Variants in PAM observed in about 807,000 individuals in gnomAD.
PAM encodes peptidyl-glycine alpha-amidating monooxygenase.
PAM carries 72 observed loss-of-function variants against 122.1 expected under a neutral mutation model. The observed-to-expected ratio is 0.59, with a 90% CI of 0.49 to 0.72. PAM has a LOEUF of 0.72. PAM is among the 30% of genes least tolerant of loss of function. PAM has a pLI of 0.00. For synonymous variants in PAM, 389 were observed against 404.4 expected (o/e 0.96, Z 0.46); for missense variants, 1,106 against 1,183.7 (o/e 0.93, Z 0.96).
intron 3 of PAM, among the ~76,000 whole-genome samples, chr5:102,872,593 T>A (rs1277517212): frequency 6.6e-6 from 1 of 152,234 alleles, no homozygotes; most frequent in African/African-American, 2.4e-5. Flanking sequence ...CTTTTCTTTC[T>A]GCACTCCTGT....
intron 1 of PAM, among the ~76,000 whole-genome samples, chr5:102,811,075 G>A (rs1213740410): frequency 6.6e-6 from 1 of 152,160 alleles, no homozygotes; most frequent in Non-Finnish European, 1.5e-5. Flanking sequence ...CTCTCTAGTT[G>A]GAGTTGAGCA....
At chr5:102,826,298 C>T (rs990057189) in intron 1 of PAM, among the ~76,000 whole-genome samples, 16 of 152,222 alleles carry the variant, frequency 1.1e-4, no homozygotes, top group African/African-American at 3.9e-4. Flanking sequence ...GACATTTTCT[C>T]CCTAAACAGA....
At chr5:102,965,184 C>CACACAT (rs1763706592) in intron 14 of PAM, among the ~76,000 whole-genome samples, 1 of 151,492 alleles carries the variant, frequency 6.6e-6, no homozygotes. Flanking sequence ...CACACACACA[C>CACACAT]ACACACACAC....
intron 16 of PAM, among the ~76,000 whole-genome samples, chr5:102,999,434 C>G (rs1220883402): frequency 6.6e-6 from 1 of 152,216 alleles, no homozygotes; most frequent in East Asian, 1.9e-4. Context: ...ATGGTGCAAG[C>G]CGTGGGTGGA....
At chr5:102,777,541 A>C (rs1255447968) in intron 1 of PAM, among the ~76,000 whole-genome samples, 2 of 152,144 alleles carry the variant, frequency 1.3e-5, no homozygotes, top group Non-Finnish European at 1.5e-5. Context: ...TCTGGAAAAA[A>C]AAGACCTAAT....
chr5:102,852,692 A>C (rs1489521169), intron 1 of PAM, among the ~76,000 whole-genome samples: 1 of 152,192 alleles, frequency 6.6e-6, no homozygotes, highest in Non-Finnish European at 1.5e-5. Context: ...AATAAAATTT[A>C]TGCATATATG....
At chr5:102,841,002 T>C (rs765676897) in intron 1 of PAM, among the ~76,000 whole-genome samples, 8 of 151,130 alleles carry the variant, frequency 5.3e-5, no homozygotes, top group Non-Finnish European at 5.9e-5. Flanking sequence ...ATTTAATTGT[T>C]GGAAGATTAG....
intron 3 of PAM, among the ~76,000 whole-genome samples, chr5:102,887,741 C>G (rs891064954): frequency 5.9e-5 from 9 of 151,928 alleles, no homozygotes; most frequent in Non-Finnish European, 1.3e-4. Flanking sequence ...TCTGTTCCAG[C>G]TGCACTGGTT....
chr5:102,843,389 G>A (rs1449621383), intron 1 of PAM, among the ~76,000 whole-genome samples: 1 of 152,060 alleles, frequency 6.6e-6, no homozygotes, highest in African/African-American at 2.4e-5. Flanking sequence ...AGATCACAGA[G>A]TTAAATGTAA....
chr5:102,897,873 A>G (rs1412536335), intron 3 of PAM, among the ~76,000 whole-genome samples: 1 of 151,676 alleles, frequency 6.6e-6, no homozygotes, highest in Non-Finnish European at 1.5e-5. Flanking sequence ...CAGTTTTCAT[A>G]TGTAATAATA....
intron 7 of PAM, among the ~76,000 whole-genome samples, chr5:102,943,086 C>T (rs1473731827): frequency 6.6e-6 from 1 of 152,130 alleles, no homozygotes; most frequent in African/African-American, 2.4e-5. Context: ...TTCTGAAGGA[C>T]TTTCCCAATT....
chr5:102,992,706 T>G (rs1327312116), intron 16 of PAM, among the ~76,000 whole-genome samples: 1 of 152,088 alleles, frequency 6.6e-6, no homozygotes, highest in Non-Finnish European at 1.5e-5. Flanking sequence ...ACAATACAAA[T>G]TATAAATTAG....
At chr5:102,886,607 T>C (rs1039488372) in intron 3 of PAM, among the ~76,000 whole-genome samples, 2 of 152,044 alleles carry the variant, frequency 1.3e-5, no homozygotes, top group Admixed American at 6.6e-5. Flanking sequence ...AGTGATCTGA[T>C]CTGAGCACCC....
chr5:102,810,164 C>T (rs1175055816), intron 1 of PAM, among the ~76,000 whole-genome samples: 1 of 152,098 alleles, frequency 6.6e-6, no homozygotes, highest in Non-Finnish European at 1.5e-5. Flanking sequence ...AATTTAATTT[C>T]TTCAATAACT....
At chr5:103,025,775 G>A (rs1784779855) in intron 24 of PAM, among the ~76,000 whole-genome samples, 1 of 152,110 alleles carries the variant, frequency 6.6e-6, no homozygotes, top group South Asian at 2.1e-4. Flanking sequence ...CCATGGGCAA[G>A]TTACTTAATC....
At chr5:102,853,965 C>T (rs1446000106) in intron 1 of PAM, among the ~76,000 whole-genome samples, 1 of 152,168 alleles carries the variant, frequency 6.6e-6, no homozygotes, top group African/African-American at 2.4e-5. Flanking sequence ...TTCAGCTTAG[C>T]CTTTATGTAT....
chr5:102,937,566 C>T (rs1753680665), intron 7 of PAM, among the ~76,000 whole-genome samples: 1 of 152,014 alleles, frequency 6.6e-6, no homozygotes, highest in African/African-American at 2.4e-5. Flanking sequence ...GTCATGTACT[C>T]ATTTGTTTAT....
intron 1 of PAM, among the ~76,000 whole-genome samples, chr5:102,758,108 T>TC: frequency 8.9e-6 from 1 of 112,418 alleles, no homozygotes; most frequent in Non-Finnish European, 1.8e-5. Context: ...TTTTTTTTTT[T>TC]CTTGGGGCAA....
intron 3 of PAM, among the ~76,000 whole-genome samples, chr5:102,884,855 A>C (rs1462761657): frequency 6.6e-6 from 1 of 151,886 alleles, no homozygotes; most frequent in Non-Finnish European, 1.5e-5. Flanking sequence ...TCATTCAACA[A>C]AGCTCACAGC....
Sources: gnomAD v4.1 joint callset for allele counts (sites outside exome capture counted in the v4.1 genomes callset) on GRCh38, gnomAD v4.1.1 for gene constraint, MANE v1.5 for transcripts, NCBI Gene and HGNC (gene_info 2026-07-23, HGNC 2026-07-21) for gene names.